GPC3: variants seen among roughly 807,000 people sequenced by gnomAD.
GPC3 encodes glypican 3, also known as glypican-3.
GPC3 carries 3 observed loss-of-function variants against 34.4 expected under a neutral mutation model. The ratio of observed to expected loss-of-function variants is 0.09; its 90% CI spans 0.04 to 0.23. The LOEUF is 0.23. Ranked by LOEUF, GPC3 falls within the 10% of genes least tolerant of loss-of-function variation. GPC3 has a pLI of 1.00. For synonymous variants in GPC3, 177 were observed against 174.0 expected (o/e 1.02, Z -0.13); for missense variants, 351 against 445.6 (o/e 0.79, Z 1.91).
chrX:133,941,265 A>G (rs2076344108), intron 2 of GPC3, among the ~76,000 whole-genome samples: 1 of 112,547 alleles, frequency 8.9e-6, no homozygotes, highest in Non-Finnish European at 1.9e-5. Context: ...GATGTCCAGA[A>G]TCCACACTCC....
chrX:133,557,673 G>A (rs981120618), intron 7 of GPC3, among the ~76,000 whole-genome samples: 1 of 111,776 alleles, frequency 8.9e-6, no homozygotes, highest in Non-Finnish European at 1.9e-5. Flanking sequence ...ATTTAAGAGG[G>A]TGGAGAATAC....
chrX:133,800,581 C>A (rs948914235), intron 2 of GPC3, among the ~76,000 whole-genome samples: 8 of 111,896 alleles, frequency 7.1e-5, no homozygotes, highest in African/African-American at 2.3e-4. Context: ...TTTCTGAAAT[C>A]GCTTTTTGTT....
intron 2 of GPC3, among the ~76,000 whole-genome samples, chrX:133,825,174 T>C (rs1312031344): frequency 8.9e-6 from 1 of 112,239 alleles, no homozygotes; most frequent in Non-Finnish European, 1.9e-5. Flanking sequence ...TTTCTATGAA[T>C]TCTGGAAATT....
At chrX:133,635,797 T>A (rs995658237) in intron 6 of GPC3, among the ~76,000 whole-genome samples, 3 of 106,115 alleles carry the variant, frequency 2.8e-5, no homozygotes, top group African/African-American at 1.1e-4. Context: ...GTTATACCTA[T>A]CTCACATGGT....
At chrX:133,634,772 G>A (rs772511408) in intron 6 of GPC3, among the ~76,000 whole-genome samples, 2 of 111,979 alleles carry the variant, frequency 1.8e-5, no homozygotes, top group East Asian at 5.6e-4. Context: ...TTGCACAATT[G>A]TATAAATTCA....
chrX:133,835,389 C>T (rs1603256437), intron 2 of GPC3, among the ~76,000 whole-genome samples: 1 of 112,134 alleles, frequency 8.9e-6, no homozygotes, highest in Admixed American at 9.5e-5. Context: ...TATAGCATCT[C>T]ATGATGTCTG....
chrX:133,738,996 A>G (rs2071537748), intron 3 of GPC3, among the ~76,000 whole-genome samples: 1 of 112,062 alleles, frequency 8.9e-6, no homozygotes, highest in Non-Finnish European at 1.9e-5. Flanking sequence ...TTCAGTAGGA[A>G]AGGGTGGAGT....
intron 6 of GPC3, among the ~76,000 whole-genome samples, chrX:133,612,579 T>C (rs138902551): frequency 9.0e-6 from 1 of 111,605 alleles, no homozygotes; most frequent in Non-Finnish European, 1.9e-5. Flanking sequence ...AAATGGCCCT[T>C]GAATGCTCAA....
chrX:133,667,858 C>T (rs1160803247), intron 5 of GPC3, among the ~76,000 whole-genome samples: 1 of 107,697 alleles, frequency 9.3e-6, no homozygotes, highest in Non-Finnish European at 1.9e-5. Context: ...CCTTCTCTCT[C>T]TTGCTCTCTC....
rs1315358611 is a variant in GPC3 at position 133,775,866 on chromosome X, TA to T, written c.338-21691del. ...CATTAAGTCTATATTTATTTCAAAA[TA>T]AAAAATTAAAAGGGGCATGGGTTTA... On this transcript the variant is annotated intron_variant, in intron 2 of 7. Transcript: ENST00000370818. Among the ~76,000 whole-genome samples, 9 of 111,630 alleles carry T rather than the reference TA, an allele frequency of 8.1e-5. No individual in the cohort carries two copies. In the East Asian group the frequency reaches 2.0e-3, roughly 24 times the overall value.
chrX:133,874,596 G>A (rs1055924358), intron 2 of GPC3, among the ~76,000 whole-genome samples: 1 of 111,862 alleles, frequency 8.9e-6, no homozygotes, highest in Non-Finnish European at 1.9e-5. Context: ...ATGATGCTAT[G>A]TCAGTAATAG....
intron 2 of GPC3, among the ~76,000 whole-genome samples, chrX:133,881,688 T>G (rs1250278305): frequency 8.9e-6 from 1 of 112,163 alleles, no homozygotes; most frequent in East Asian, 2.8e-4. Flanking sequence ...AGTGAAGAAC[T>G]AAGTCCTTTT....
intron 7 of GPC3, among the ~76,000 whole-genome samples, chrX:133,578,027 C>A (rs113229755): frequency 8.9e-6 from 1 of 111,952 alleles, no homozygotes; most frequent in African/African-American, 3.3e-5. Context: ...CACACCACAG[C>A]GTTGCTGGGA....
At chrX:133,635,922 A>T (rs2124375561) in intron 6 of GPC3, among the ~76,000 whole-genome samples, 1 of 110,990 alleles carries the variant, frequency 9.0e-6, no homozygotes, top group East Asian at 2.8e-4. Context: ...TTTATATGTT[A>T]TTCTGAACTA....
At chrX:133,566,679 A>C (rs2069585593) in intron 7 of GPC3, among the ~76,000 whole-genome samples, 1 of 111,266 alleles carries the variant, frequency 9.0e-6, no homozygotes, top group African/African-American at 3.3e-5. Context: ...ATTGGTTTGA[A>C]TTGGGGAAGG....
intron 7 of GPC3, among the ~76,000 whole-genome samples, chrX:133,560,328 G>A: frequency 8.9e-6 from 1 of 112,161 alleles, no homozygotes; most frequent in Non-Finnish European, 1.9e-5. Flanking sequence ...AGAGACTTAG[G>A]ACAATGTCTT....
intron 5 of GPC3, among the ~76,000 whole-genome samples, chrX:133,678,751 G>A (rs1483776240): frequency 8.9e-6 from 1 of 111,973 alleles, no homozygotes; most frequent in Non-Finnish European, 1.9e-5. Context: ...ATTTGTAATG[G>A]TACTTTCTTC....
intron 2 of GPC3, among the ~76,000 whole-genome samples, chrX:133,771,603 A>C (rs1298690037): frequency 8.9e-6 from 1 of 112,240 alleles, no homozygotes; most frequent in Admixed American, 9.4e-5. Context: ...AAGAAAGATG[A>C]GGCCAAACCC....
intron 7 of GPC3, among the ~76,000 whole-genome samples, chrX:133,579,288 T>A (rs986733370): frequency 1.8e-5 from 2 of 112,467 alleles, no homozygotes; most frequent in African/African-American, 6.5e-5. Flanking sequence ...GTTAGGTGTC[T>A]GTGCCCTTCC....
Sources: allele counts gnomAD v4.1 joint callset (sites outside exome capture counted in the v4.1 genomes callset), GRCh38; gene constraint gnomAD v4.1.1; transcripts MANE v1.5; gene names NCBI Gene and HGNC (gene_info 2026-07-23, HGNC 2026-07-21).